ZNF808: variants seen among roughly 807,000 people sequenced by gnomAD.
ZNF808 encodes zinc finger protein 808.
Under a neutral mutation model 8.7 loss-of-function variants are expected in ZNF808, and 5 were observed. The observed-to-expected ratio is 0.58, with a 90% CI of 0.30 to 1.21. ZNF808 has a LOEUF of 1.21. Ranked by LOEUF, ZNF808 falls within the 50% of genes most tolerant of loss-of-function variation. ZNF808 has a pLI of 0.07. For missense variants in ZNF808, 1,103 were observed against 1,098.4 expected (o/e 1.00, Z -0.06); for synonymous variants, 380 against 366.0 (o/e 1.04, Z -0.44).
intron 2 of ZNF808, among the ~76,000 whole-genome samples, chr19:52,534,713 AC>A (rs2059589021): frequency 6.6e-6 from 1 of 151,774 alleles, no homozygotes; most frequent in Non-Finnish European, 1.5e-5. Context: ...ACATGGTGAA[AC>A]CCCGTCTCTA....
At chr19:52,530,773 G>A (rs564336450) in intron 1 of ZNF808, among the ~76,000 whole-genome samples, 112 of 152,170 alleles carry the variant, frequency 7.4e-4, no homozygotes, top group Non-Finnish European at 1.5e-3. Context: ...AGGAGCTCGA[G>A]ACCAACCTGG....
At position 52,554,741 on chromosome 19, in the gene ZNF808, G is replaced by A; in HGVS notation, c.1825G>A (p.Ala609Thr). ...ACDKVFGQKS[A>T]LESHKRIHTG... The stretch of plus-strand genomic sequence containing the variant: ...TGACAAAGTTTTTGGTCAGAAATCA[G>A]CTCTTGAGTCACATAAGAGAATTCA... The change falls in exon 5 of 5, where the codon GCT becomes ACT. Residue 609 changes from alanine (A) to threonine (T), a missense_variant. Coordinates refer to ENST00000359798, the MANE Select transcript of ZNF808 (RefSeq NM_001039886.4). The A allele has an allele frequency of 6.2e-7, 1 of 1,613,304 alleles. No individual in the cohort carries two copies. Among genetic ancestry groups the A allele is most frequent in the Non-Finnish European group, 8.5e-7 (1 of 1,179,710 alleles).
At position 52,554,561 on chromosome 19, in the gene ZNF808, A is replaced by G. The variant is rs777394484; in HGVS notation, c.1645A>G (p.Met549Val). The change falls in exon 5 of 5, where the codon ATG becomes GTG. Residue 549 changes from methionine to valine, a missense_variant. Met to Val is a conservative substitution (Grantham distance 21). Transcript: ENST00000359798. The stretch of plus-strand genomic sequence containing the variant: ...ATGTACGGTTTGTAACAAGGTTTTC[A>G]TGCGTAATTCAGTCCTGGCTGTACA... ...YKCTVCNKVF[M>V]RNSVLAVHTR... 4.3e-6 allele frequency: 7 copies of G among 1,613,878 alleles called. No individual in the cohort carries two copies. The highest frequency in any genetic ancestry group is 1.7e-5 in the Admixed American group (1 of 59,988).
chr19:52,562,642 T>C (rs2059861691), intron 3 of ZNF808, among the ~76,000 whole-genome samples: 1 of 152,216 alleles, frequency 6.6e-6, no homozygotes. Flanking sequence ...CAGTATACAG[T>C]CTGTGTTTTA....
downstream of ZNF808, among the ~76,000 whole-genome samples, chr19:52,567,593 T>C (rs2059876162): frequency 6.6e-6 from 1 of 151,028 alleles, no homozygotes; most frequent in Non-Finnish European, 1.5e-5. Context: ...GTCATGATCA[T>C]GGCTCACCAC....
chr19:52,564,767 A>G (rs1426471276), downstream of ZNF808, among the ~76,000 whole-genome samples: 1 of 152,164 alleles, frequency 6.6e-6, no homozygotes, highest in African/African-American at 2.4e-5. Flanking sequence ...CAGCCTGACC[A>G]ACATGGAGAA....
intron 2 of ZNF808, among the ~76,000 whole-genome samples, chr19:52,533,565 G>C (rs1376950569): frequency 6.6e-6 from 1 of 150,778 alleles, no homozygotes; most frequent in East Asian, 2.0e-4. Context: ...CTCCTTGAAA[G>C]GCAAACAACA....
At chr19:52,558,610 TC>T (rs2059846812), downstream of ZNF808, among the ~76,000 whole-genome samples, 1 of 151,992 alleles carries the variant, frequency 6.6e-6, no homozygotes, top group Non-Finnish European at 1.5e-5. Flanking sequence ...GACCTCGTGA[TC>T]CGCCCGCCTC....
At chr19:52,544,972 G>GA (rs1344236497) in intron 3 of ZNF808, among the ~76,000 whole-genome samples, 1 of 152,096 alleles carries the variant, frequency 6.6e-6, no homozygotes, top group Non-Finnish European at 1.5e-5. Flanking sequence ...TTTTAGTAGA[G>GA]ATGGGGTTTC....
Position 52,554,922 on chromosome 19 carries a change from A to G in ZNF808, c.2006A>G (p.His669Arg), listed in dbSNP as rs1361384846. The G allele has an allele frequency of 3.1e-6, 5 of 1,614,112 alleles. No homozygotes were observed. In the East Asian group the frequency reaches 8.9e-5, roughly 29 times the overall value. The change falls in exon 5 of 5, where the codon CAT becomes CGT. Residue 669 changes from histidine (H) to arginine (R), a missense_variant. Coordinates refer to ENST00000359798, the MANE Select transcript of ZNF808 (RefSeq NM_001039886.4). ...TFSYKSSLVW[H>R]RRLHGGEKSY... ...AGTTACAAGTCATCACTTGTATGGC[A>G]TCGTAGACTTCATGGTGGAGAGAAA...
At position 52,554,760 on chromosome 19, in the gene ZNF808, G is replaced by C; in HGVS notation, c.1844G>C (p.Arg615Thr). The C allele has an allele frequency of 6.2e-7, 1 of 1,613,764 alleles. No individual in the cohort carries two copies. Among genetic ancestry groups the C allele is most frequent in the East Asian group, 2.2e-5 (1 of 44,836 alleles). ...AAATCAGCTCTTGAGTCACATAAGA[G>C]AATTCATACTGGAGAGAAACCATAC... is the stretch of plus-strand genomic sequence containing the variant. ...GQKSALESHK[R>T]IHTGEKPYRC... Residue 615 changes from arginine to threonine, a missense_variant, in exon 5 of 5, where the codon AGA becomes ACA. Coordinates refer to ENST00000359798, the MANE Select transcript of ZNF808 (RefSeq NM_001039886.4).
At chr19:52,546,642 C>G in intron 3 of ZNF808, among the ~76,000 whole-genome samples, 1 of 98,796 alleles carries the variant, frequency 1.0e-5, no homozygotes, top group East Asian at 3.0e-4. Flanking sequence ...CCTGTGTTTG[C>G]TTTTTTTTTT....
At chr19:52,536,243 C>G (rs779504002) in intron 2 of ZNF808, among the ~76,000 whole-genome samples, 2 of 152,190 alleles carry the variant, frequency 1.3e-5, no homozygotes, top group East Asian at 1.9e-4. Context: ...GTCCCAACCC[C>G]GGTCTTTCTG....
chr19:52,539,146 T>A (rs2059643088), intron 2 of ZNF808, among the ~76,000 whole-genome samples: 1 of 152,084 alleles, frequency 6.6e-6, no homozygotes, highest in Non-Finnish European at 1.5e-5. Flanking sequence ...GTTCTCTTTT[T>A]GTAATTGGTT....
chr19:52,529,164 C>G (rs953698763), intron 1 of ZNF808, among the ~76,000 whole-genome samples: 8 of 150,658 alleles, frequency 5.3e-5, no homozygotes, highest in African/African-American at 1.2e-4. Flanking sequence ...TTGCTTGAGT[C>G]TAGGAGTTCG....
chr19:52,559,583 G>A (rs2123223670), downstream of ZNF808, among the ~76,000 whole-genome samples: 1 of 152,204 alleles, frequency 6.6e-6, no homozygotes, highest in Non-Finnish European at 1.5e-5. Flanking sequence ...TTGTCTCTAT[G>A]TCTCTTTCTT....
At chr19:52,567,010 A>G (rs1354486497), downstream of ZNF808, among the ~76,000 whole-genome samples, 2 of 150,864 alleles carry the variant, frequency 1.3e-5, no homozygotes, top group African/African-American at 4.9e-5. Flanking sequence ...GGAGTGCAAT[A>G]GGACAATCTC....
chr19:52,554,390 T>G lies in ZNF808; in HGVS notation c.1474T>G (p.Phe492Val). ...TYKCNECRKT[F>V]SRRSSLLCHR... Reference sequence around the variant, plus strand: ...CAAGTGTAATGAGTGTCGCAAGACCTTCAGCCGCAGGTCATCCCTTCTATG... The same window carrying G: ...CAAGTGTAATGAGTGTCGCAAGACCGTCAGCCGCAGGTCATCCCTTCTATG... The change falls in exon 5 of 5, where the codon TTC (phenylalanine) becomes GTC (valine). Residue 492 changes from phenylalanine (F) to valine (V), a missense_variant. Physicochemically the swap from Phe to Val is conservative, Grantham distance 50 (BLOSUM62 -1). Transcript: ENST00000359798. 3.1e-6 allele frequency: 5 copies of G among 1,613,822 alleles called. No homozygotes were observed. The highest frequency in any genetic ancestry group is 2.5e-6 in the Non-Finnish European group (3 of 1,179,958).
chr19:52,567,714 G>C (rs1003503945), downstream of ZNF808, among the ~76,000 whole-genome samples: 1 of 151,702 alleles, frequency 6.6e-6, no homozygotes, highest in South Asian at 2.1e-4. Flanking sequence ...TAGTAGAGAC[G>C]GGGTTTCTCT....
Sources: allele counts gnomAD v4.1 joint callset (sites outside exome capture counted in the v4.1 genomes callset), GRCh38; gene constraint gnomAD v4.1.1; transcripts MANE v1.5; gene names NCBI Gene and HGNC (gene_info 2026-07-23, HGNC 2026-07-21).